Variants in MACROD2 observed in about 807,000 individuals in gnomAD.
MACROD2 encodes the protein mono-ADP ribosylhydrolase 2, also known as ADP-ribose glycohydrolase MACROD2.
MACROD2 carries 36 observed loss-of-function variants against 70.4 expected under a neutral mutation model. The ratio of observed to expected loss-of-function variants is 0.51; its 90% CI spans 0.39 to 0.68. The LOEUF is 0.68. Among genes scored for constraint, MACROD2 ranks in the 30% least tolerant of loss-of-function variants. MACROD2 has a pLI of 0.00. For synonymous variants in MACROD2, 172 were observed against 178.8 expected (o/e 0.96, Z 0.30); for missense variants, 496 against 538.4 (o/e 0.92, Z 0.78).
chr20:14,138,787 ACACACAC>A (rs2054833870), intron 3 of MACROD2, among the ~76,000 whole-genome samples: 1 of 67,860 alleles, frequency 1.5e-5, no homozygotes, highest in African/African-American at 4.3e-5. Flanking sequence ...ACACACACAC[ACACACAC>A]ACACACACAC....
intron 8 of MACROD2, among the ~76,000 whole-genome samples, chr20:15,678,381 A>G (rs1253218787): frequency 6.7e-6 from 1 of 149,276 alleles, no homozygotes; most frequent in African/African-American, 2.5e-5. Flanking sequence ...TTTTTTTGAG[A>G]CGGAGTCTCG....
At chr20:14,772,498 C>T (rs918154214) in intron 5 of MACROD2, among the ~76,000 whole-genome samples, 2 of 151,996 alleles carry the variant, frequency 1.3e-5, no homozygotes, top group African/African-American at 4.8e-5. Flanking sequence ...AGAGCTTGTG[C>T]AGGGAAACTC....
intron 3 of MACROD2, among the ~76,000 whole-genome samples, chr20:14,163,771 G>A (rs1416742791): frequency 6.6e-6 from 1 of 150,876 alleles, no homozygotes; most frequent in African/African-American, 2.4e-5. Context: ...TATTTCACTG[G>A]TTGAATTCTT....
At chr20:15,271,420 T>TG (rs911785387) in intron 6 of MACROD2, among the ~76,000 whole-genome samples, 1 of 152,212 alleles carries the variant, frequency 6.6e-6, no homozygotes, top group Admixed American at 6.5e-5. Flanking sequence ...ATGAATTTTG[T>TG]GGGGACACAA....
At chr20:15,867,315 GC>G (rs1257362044) in intron 9 of MACROD2, among the ~76,000 whole-genome samples, 3 of 152,132 alleles carry the variant, frequency 2.0e-5, no homozygotes, top group African/African-American at 7.2e-5. Flanking sequence ...CCATAAAATT[GC>G]CCCTTGTAGA....
chr20:15,048,704 T>C (rs1408247285), intron 5 of MACROD2, among the ~76,000 whole-genome samples: 1 of 152,132 alleles, frequency 6.6e-6, no homozygotes, highest in South Asian at 2.1e-4. Flanking sequence ...AGCTTAAAAA[T>C]GGTTCTTCAT....
At chr20:15,190,934 A>T (rs2076566412) in intron 5 of MACROD2, among the ~76,000 whole-genome samples, 1 of 152,148 alleles carries the variant, frequency 6.6e-6, no homozygotes, top group Non-Finnish European at 1.5e-5. Context: ...TTTGGATATG[A>T]AAAGCATGCT....
chr20:15,359,455 A>G (rs570588352), intron 6 of MACROD2, among the ~76,000 whole-genome samples: 1 of 152,034 alleles, frequency 6.6e-6, no homozygotes, highest in Non-Finnish European at 1.5e-5. Context: ...GATTGTTTAA[A>G]AGAAATGCAA....
At chr20:15,909,063 T>G (rs1010756595) in intron 10 of MACROD2, among the ~76,000 whole-genome samples, 14 of 152,226 alleles carry the variant, frequency 9.2e-5, no homozygotes, top group African/African-American at 2.9e-4. Flanking sequence ...CAGCATTGGC[T>G]GGGGTGGCTC....
intron 5 of MACROD2, among the ~76,000 whole-genome samples, chr20:14,890,279 A>C (rs1172918302): frequency 6.6e-6 from 1 of 152,092 alleles, no homozygotes; most frequent in Non-Finnish European, 1.5e-5. Context: ...ACTCCAAAGG[A>C]GTGAGTATAG....
chr20:14,522,220 T>C (rs2085176526), intron 4 of MACROD2, among the ~76,000 whole-genome samples: 1 of 152,190 alleles, frequency 6.6e-6, no homozygotes. Context: ...AATATCAAGA[T>C]GGCCATACAT....
chr20:14,040,043 G>A (rs1262872741), intron 2 of MACROD2, among the ~76,000 whole-genome samples: 1 of 152,128 alleles, frequency 6.6e-6, no homozygotes, highest in African/African-American at 2.4e-5. Context: ...CTTTAGGAGA[G>A]TATCTGGGGA....
chr20:15,708,907 T>TGG (rs1568986722), intron 8 of MACROD2, among the ~76,000 whole-genome samples: 5 of 152,084 alleles, frequency 3.3e-5, no homozygotes, highest in Non-Finnish European at 7.4e-5. Context: ...ATACTTGTAG[T>TGG]CTAAGCAACT....
At chr20:15,284,723 C>T (rs145759031) in intron 6 of MACROD2, among the ~76,000 whole-genome samples, 130 of 152,124 alleles carry the variant, frequency 8.5e-4, no homozygotes, top group African/African-American at 3.0e-3. Context: ...GTAGTTACTC[C>T]GATAGAACGA....
chr20:14,268,935 T>C (rs1484103574), intron 3 of MACROD2, among the ~76,000 whole-genome samples: 1 of 152,170 alleles, frequency 6.6e-6, no homozygotes, highest in Non-Finnish European at 1.5e-5. Context: ...ATGGTTGAAA[T>C]ACCAAAGCTC....
rs960822296 is a variant in MACROD2 at position 15,320,374 on chromosome 20, G to T, written c.540+90313G>T. On this transcript the variant is annotated intron_variant, in intron 6 of 17. Coordinates refer to ENST00000684519, the MANE Select transcript of MACROD2 (RefSeq NM_001351661.2). ...CATTTTGAGTATACTAAACGCCATT[G>T]AATCCTTCACTCAAAATGGTTAATT... 5.3e-5 allele frequency among the ~76,000 whole-genome samples: 8 copies of T among 152,282 alleles called. No individual in the cohort carries two copies. In the East Asian group the frequency reaches 1.5e-3, roughly 29 times the overall value.
intron 5 of MACROD2, among the ~76,000 whole-genome samples, chr20:15,152,148 G>A (rs535852227): frequency 1.3e-5 from 2 of 152,142 alleles, no homozygotes; most frequent in South Asian, 4.1e-4. Flanking sequence ...AAAATTGAAA[G>A]TGCCGTTTTC....
intron 3 of MACROD2, among the ~76,000 whole-genome samples, chr20:14,207,274 T>G (rs533090855): frequency 2.0e-5 from 3 of 151,810 alleles, no homozygotes; most frequent in Admixed American, 6.6e-5. Context: ...ATTTTTGTGG[T>G]TTTTTTTAGT....
In MACROD2 at chr20:15,576,865, G is replaced by A. The variant is rs183140938; in HGVS notation, c.645+77018G>A. On this transcript the variant is annotated intron_variant, in intron 8 of 17. Transcript: ENST00000684519. ...TTCTGTACCACATTGTAGTAACACCGATAACAGTGAAGTAGGTGGTGCTTT... is the reference window on the plus strand; with the variant it reads ...TTCTGTACCACATTGTAGTAACACCAATAACAGTGAAGTAGGTGGTGCTTT... 2.5e-3 allele frequency among the ~76,000 whole-genome samples: 378 copies of A among 152,226 alleles called. 1 individual carries two copies. Among genetic ancestry groups the A allele is most frequent in the African/African-American group, 8.7e-3 (363 of 41,536 alleles).
Sources: allele counts gnomAD v4.1 joint callset (sites outside exome capture counted in the v4.1 genomes callset), GRCh38; gene constraint gnomAD v4.1.1; transcripts MANE v1.5; gene names NCBI Gene and HGNC (gene_info 2026-07-23, HGNC 2026-07-21).